The following RHOBTB1 variants were observed in gnomAD, a reference collection of about 807,000 sequenced individuals.
RHOBTB1 encodes Rho related BTB domain containing 1, also known as rho-related BTB domain-containing protein 1.
RHOBTB1 carries 40 observed loss-of-function variants against 71.6 expected under a neutral mutation model. The observed-to-expected ratio is 0.56, with a 90% CI of 0.43 to 0.73. The LOEUF (loss-of-function observed/expected upper bound fraction) is 0.73. Ranked by LOEUF, RHOBTB1 falls within the 30% of genes least tolerant of loss-of-function variation. The pLI, the probability that RHOBTB1 is intolerant of heterozygous loss-of-function variation, is 0.00. For missense variants in RHOBTB1, 797 were observed against 894.0 expected (o/e 0.89, Z 1.38); for synonymous variants, 319 against 334.9 (o/e 0.95, Z 0.52).
At chr10:60,872,983 T>C (rs1463712127) in intron 9 of RHOBTB1, among the ~76,000 whole-genome samples, 1 of 152,182 alleles carries the variant, frequency 6.6e-6, no homozygotes, top group Non-Finnish European at 1.5e-5. Context: ...TTCTCTGACT[T>C]CCCTTCTGTT....
At chr10:60,948,167 G>T (rs2085297917), upstream of RHOBTB1, among the ~76,000 whole-genome samples, 1 of 152,022 alleles carries the variant, frequency 6.6e-6, no homozygotes. Flanking sequence ...TGGATTGTCT[G>T]TCTTTTTACT....
intron 6 of RHOBTB1, among the ~76,000 whole-genome samples, chr10:60,887,917 C>A (rs889285717): frequency 1.3e-5 from 2 of 152,134 alleles, no homozygotes; most frequent in African/African-American, 4.8e-5. Flanking sequence ...TTGATACCCA[C>A]AAGAGCATGG....
rs562287026 is a variant in RHOBTB1 at position 60,927,028 on chromosome 10, G to C, written c.-11+14776C>G. ...GAACTGATAAATAGTAAAGTTTCAG[G>C]ATATGAAATCAGTATACTAAAATAA... On this transcript the variant is annotated intron_variant, in intron 2 of 10. Transcript: ENST00000337910. Among the ~76,000 whole-genome samples the C allele has an allele frequency of 2.0e-5, 3 of 152,206 alleles. No individual in the cohort carries two copies. In the South Asian group the frequency reaches 6.2e-4, roughly 32 times the overall value.
chr10:60,924,860 A>G (rs1051726125), intron 2 of RHOBTB1, among the ~76,000 whole-genome samples: 2 of 152,210 alleles, frequency 1.3e-5, no homozygotes, highest in Non-Finnish European at 2.9e-5. Context: ...TTATGAACAC[A>G]TGGAAATCAA....
chr10:60,970,055 T>C (rs1565160890), intron 2 of RHOBTB1, among the ~76,000 whole-genome samples: 2 of 151,986 alleles, frequency 1.3e-5, no homozygotes, highest in Admixed American at 6.6e-5. Context: ...AGACTGTATT[T>C]CCAGTGCACT....
At chr10:60,943,758 C>T (rs1379734327) in intron 1 of RHOBTB1, among the ~76,000 whole-genome samples, 2 of 152,052 alleles carry the variant, frequency 1.3e-5, no homozygotes, top group South Asian at 4.1e-4. Context: ...ATCTCTTGTG[C>T]TTGCCTCTGA....
intron 5 of RHOBTB1, among the ~76,000 whole-genome samples, chr10:60,890,821 C>A (rs1251299069): frequency 6.6e-6 from 1 of 152,198 alleles, no homozygotes; most frequent in African/African-American, 2.4e-5. Context: ...CTCAAAAGTT[C>A]GCTCCTGAGA....
In RHOBTB1 at chr10:60,888,701, G is replaced by A. The variant is rs750307202; in HGVS notation, c.967C>T (p.Arg323Trp). 86 of 1,613,972 alleles carry A rather than the reference G, an allele frequency of 5.3e-5. No homozygotes were observed. The highest frequency in any genetic ancestry group is 6.5e-5 in the Non-Finnish European group (77 of 1,180,010). The change falls in exon 6 of 11, where the codon CGG becomes TGG. Residue 323 changes from arginine (R) to tryptophan (W), a missense_variant. Transcript: ENST00000337910. ...TCCTCTGGGTCGACACTCAATATCC[G>A]CCCCTGGAAATCTCTGCTCTGCTTC... ...KEKQSRDFQG[R>W]ILSVDPEEER...
chr10:60,913,278 A>C (rs767965913), intron 2 of RHOBTB1, among the ~76,000 whole-genome samples: 1 of 152,292 alleles, frequency 6.6e-6, no homozygotes, highest in Non-Finnish European at 1.5e-5. Context: ...AATGGAGTAG[A>C]GTGATTCAAG....
intron 2 of RHOBTB1, among the ~76,000 whole-genome samples, chr10:60,975,538 G>T (rs73266102): frequency 0.02 from 3,095 of 152,168 alleles, 108 homozygotes; most frequent in African/African-American, 0.07. Flanking sequence ...TTATTCGCTT[G>T]CATGGAAATA....
At chr10:60,961,436 A>G (rs996447010) in intron 2 of RHOBTB1, among the ~76,000 whole-genome samples, 16 of 152,194 alleles carry the variant, frequency 1.1e-4, no homozygotes, top group Admixed American at 1.0e-3. Flanking sequence ...CCATTCACAC[A>G]ATAATAACAC....
chr10:60,921,150 G>A (rs979824206), intron 2 of RHOBTB1, among the ~76,000 whole-genome samples: 1 of 151,984 alleles, frequency 6.6e-6, no homozygotes, highest in Non-Finnish European at 1.5e-5. Context: ...GTTTCACCAT[G>A]TTGGCCATGC....
chr10:60,979,247 G>A (rs536390179), intron 2 of RHOBTB1, among the ~76,000 whole-genome samples: 6 of 152,126 alleles, frequency 3.9e-5, no homozygotes, highest in African/African-American at 9.6e-5. Context: ...AATTTACCCA[G>A]TGTTTTGATC....
intron 5 of RHOBTB1, 65 bp from the exon 6 acceptor site, chr10:60,889,250 C>T (rs2081790368): frequency 4.1e-6 from 6 of 1,478,360 alleles, no homozygotes; most frequent in Non-Finnish European, 5.4e-6. Context: ...TAACAAGGGC[C>T]TATCTAAGCA....
the RHOBTB1 span, among the ~76,000 whole-genome samples, chr10:60,863,327 TTTA>T: frequency 2.0e-5 from 3 of 152,220 alleles, no homozygotes; most frequent in Non-Finnish European, 2.9e-5. Flanking sequence ...TTACAATGAA[TTTA>T]TTTTTTGATC....
At chr10:60,947,213 T>C (rs1157361026), upstream of RHOBTB1, among the ~76,000 whole-genome samples, 2 of 152,236 alleles carry the variant, frequency 1.3e-5, no homozygotes, top group African/African-American at 4.8e-5. Context: ...TCCATTTTTG[T>C]ATACTAAAAT....
chr10:60,946,179 GAA>G (rs11344569), upstream of RHOBTB1, among the ~76,000 whole-genome samples: 8 of 143,964 alleles, frequency 5.6e-5, no homozygotes, highest in East Asian at 1.0e-3. Context: ...CTCCTTCTCA[GAA>G]AAAAAAAAAA....
chr10:60,930,451 T>C (rs2084175524), intron 2 of RHOBTB1, among the ~76,000 whole-genome samples: 1 of 152,228 alleles, frequency 6.6e-6, no homozygotes. Flanking sequence ...TCCAGAGAAA[T>C]GCTGCTATTA....
chr10:60,941,295 T>C (rs75049046), intron 2 of RHOBTB1, among the ~76,000 whole-genome samples: 4,006 of 152,190 alleles, frequency 0.026, 184 homozygotes, highest in African/African-American at 0.092. Flanking sequence ...AACTTCCAAC[T>C]CCTCACCTAT....
Sources: gnomAD v4.1 joint callset for allele counts (sites outside exome capture counted in the v4.1 genomes callset) on GRCh38, gnomAD v4.1.1 for gene constraint, MANE v1.5 for transcripts, NCBI Gene and HGNC (gene_info 2026-07-23, HGNC 2026-07-21) for gene names.